The following KCNQ5 variants were observed in gnomAD, a reference collection of about 807,000 sequenced individuals.
KCNQ5 encodes the protein potassium voltage-gated channel subfamily KQT member 5.
In KCNQ5, 30 loss-of-function variants were observed where a neutral mutation model predicts 98.2. The observed-to-expected ratio is 0.31, with a 90% confidence interval of 0.23 to 0.41. KCNQ5 has a LOEUF of 0.41. Among genes scored for constraint, KCNQ5 ranks in the 10% least tolerant of loss-of-function variants. The probability of loss-of-function intolerance (pLI) is 1.00; values close to 1 mark genes in which losing one functional copy is unlikely to be tolerated. For missense variants in KCNQ5, 835 were observed against 1,182.5 expected, an observed-to-expected ratio of 0.71 and a Z score of 4.31; for synonymous variants, 458 against 449.4, an observed-to-expected ratio of 1.02 and a Z score of -0.24.
intron 1 of KCNQ5, among the ~76,000 whole-genome samples, chr6:72,662,734 C>T (rs1045201589): frequency 6.6e-6 from 1 of 151,836 alleles, no homozygotes; most frequent in Non-Finnish European, 1.5e-5. Flanking sequence ...TAGGAGATTG[C>T]TTTGTTGTGT....
chr6:72,701,077 A>T (rs1768783296), intron 1 of KCNQ5, among the ~76,000 whole-genome samples: 1 of 152,220 alleles, frequency 6.6e-6, no homozygotes, highest in African/African-American at 2.4e-5. Flanking sequence ...TACCAGAGAT[A>T]TGAGGGGAAA....
intron 1 of KCNQ5, among the ~76,000 whole-genome samples, chr6:72,755,631 A>G (rs1771924260): frequency 6.6e-6 from 1 of 151,668 alleles, no homozygotes; most frequent in Admixed American, 6.6e-5. Context: ...TATTCCATTT[A>G]CTCCTTTCCA....
At chr6:73,155,528 T>C (rs1207266154) in intron 10 of KCNQ5, among the ~76,000 whole-genome samples, 1 of 152,172 alleles carries the variant, frequency 6.6e-6, no homozygotes, top group Admixed American at 6.5e-5. Context: ...GAGAATGGGA[T>C]GGAAAGGCCA....
At chr6:73,153,057 G>A (rs1777218315) in intron 10 of KCNQ5, among the ~76,000 whole-genome samples, 1 of 152,152 alleles carries the variant, frequency 6.6e-6, no homozygotes, top group Non-Finnish European at 1.5e-5. Context: ...ATATGCCCAG[G>A]AGTCTGGGAG....
At chr6:72,763,681 G>A (rs867243597) in intron 1 of KCNQ5, among the ~76,000 whole-genome samples, 6 of 151,994 alleles carry the variant, frequency 3.9e-5, no homozygotes, top group Admixed American at 2.0e-4. Flanking sequence ...CCTCCAGCCA[G>A]GGCTTTCTCT....
intron 13 of KCNQ5, 131 bp from the exon 14 acceptor site, chr6:73,194,321 G>A (rs779312162): frequency 4.8e-5 from 37 of 776,044 alleles, no homozygotes; most frequent in Non-Finnish European, 6.9e-5. Flanking sequence ...GGTCAAGACT[G>A]CATCGTACTT....
intron 3 of KCNQ5, among the ~76,000 whole-genome samples, chr6:73,064,514 G>C (rs1370233501): frequency 1.3e-5 from 2 of 152,024 alleles, no homozygotes; most frequent in Non-Finnish European, 2.9e-5. Flanking sequence ...TTCATTGGTG[G>C]AATCCAAATC....
intron 2 of KCNQ5, among the ~76,000 whole-genome samples, chr6:73,028,450 T>A (rs1474567329): frequency 1.3e-5 from 2 of 152,128 alleles, no homozygotes; most frequent in Non-Finnish European, 2.9e-5. Flanking sequence ...CTGCTGTGGG[T>A]TCCTTGTTCC....
At chr6:72,763,403 A>G (rs1349889506) in intron 1 of KCNQ5, among the ~76,000 whole-genome samples, 1 of 152,074 alleles carries the variant, frequency 6.6e-6, no homozygotes, top group Non-Finnish European at 1.5e-5. Context: ...TCTCCCACAC[A>G]TAGACTCATC....
intron 1 of KCNQ5, among the ~76,000 whole-genome samples, chr6:72,853,399 G>A (rs188156643): frequency 1.3e-5 from 2 of 152,140 alleles, no homozygotes; most frequent in Admixed American, 6.5e-5. Context: ...GCTGGATTGC[G>A]GTGGTGCCAT....
At chr6:72,971,694 T>C (rs1209727032) in intron 1 of KCNQ5, among the ~76,000 whole-genome samples, 3 of 152,188 alleles carry the variant, frequency 2.0e-5, no homozygotes, top group African/African-American at 4.8e-5. Flanking sequence ...TGTAGGGACA[T>C]GGATGAAGCT....
intron 11 of KCNQ5, among the ~76,000 whole-genome samples, chr6:73,188,756 G>A (rs1462856891): frequency 5.9e-5 from 9 of 152,012 alleles, no homozygotes; most frequent in African/African-American, 2.4e-5. Context: ...AGGCTGAGGT[G>A]GGCAGATCAC....
chr6:72,826,417 T>C (rs1271039250), intron 1 of KCNQ5, among the ~76,000 whole-genome samples: 2 of 142,666 alleles, frequency 1.4e-5, no homozygotes, highest in African/African-American at 5.7e-5. Context: ...AGGAAAATCA[T>C]AAGAAATAAT....
At chr6:73,069,994 G>A (rs1773233266) in intron 3 of KCNQ5, among the ~76,000 whole-genome samples, 1 of 152,064 alleles carries the variant, frequency 6.6e-6, no homozygotes, top group South Asian at 2.1e-4. Flanking sequence ...AGGATAAATG[G>A]AAAGAGAAAA....
At position 72,863,863 on chromosome 6, in the gene KCNQ5, A is replaced by G. The variant is rs535135264; in HGVS notation, c.399-140045A>G. On this transcript the variant is annotated intron_variant, in intron 1 of 13. Transcript: ENST00000370398. Reference sequence around the variant, plus strand: ...AATTATTTAAATTTATGTTACACAAATAATTGTAAGTCTTGTGTACTGGAA... The same window carrying G: ...AATTATTTAAATTTATGTTACACAAGTAATTGTAAGTCTTGTGTACTGGAA... Among the ~76,000 whole-genome samples, 74 of 152,340 alleles carry G rather than the reference A, an allele frequency of 4.9e-4. 2 individuals are homozygous for G. In the South Asian group the frequency reaches 0.015, roughly 31 times the overall value.
At chr6:72,836,194 CAG>C (rs1776495133) in intron 1 of KCNQ5, among the ~76,000 whole-genome samples, 1 of 152,150 alleles carries the variant, frequency 6.6e-6, no homozygotes, top group African/African-American at 2.4e-5. Flanking sequence ...TGAATCTAAT[CAG>C]AGAGTGAGAA....
intron 1 of KCNQ5, among the ~76,000 whole-genome samples, chr6:72,789,143 G>C (rs1386551148): frequency 6.6e-6 from 1 of 151,330 alleles, no homozygotes; most frequent in Non-Finnish European, 1.5e-5. Flanking sequence ...CATGGTTTTT[G>C]TTCATGTGTA....
intron 1 of KCNQ5, among the ~76,000 whole-genome samples, chr6:72,964,160 G>C (rs1246818677): frequency 6.6e-6 from 1 of 152,122 alleles, no homozygotes; most frequent in East Asian, 1.9e-4. Context: ...TTTCTTGGCA[G>C]CTTTGTATTT....
chr6:72,882,536 C>A (rs896428080), intron 1 of KCNQ5, among the ~76,000 whole-genome samples: 5 of 152,142 alleles, frequency 3.3e-5, no homozygotes, highest in Admixed American at 1.3e-4. Context: ...GAGAATCCAT[C>A]AGCAGGTGAT....
Sources: gnomAD v4.1 joint callset for allele counts (sites outside exome capture counted in the v4.1 genomes callset) on GRCh38, gnomAD v4.1.1 for gene constraint, MANE v1.5 for transcripts, NCBI Gene and HGNC (gene_info 2026-07-23, HGNC 2026-07-21) for gene names.